The following PIEZO2 variants were observed in gnomAD, a reference collection of about 807,000 sequenced individuals.
PIEZO2 encodes the protein piezo type mechanosensitive ion channel component 2.
PIEZO2 carries 172 observed loss-of-function variants against 337.3 expected under a neutral mutation model. That is an observed-to-expected ratio of 0.51 (90% CI 0.45 to 0.58). The LOEUF (loss-of-function observed/expected upper bound fraction) is 0.58. Ranked by LOEUF, PIEZO2 falls within the 20% of genes least tolerant of loss-of-function variation. The pLI is 0.00. For missense variants in PIEZO2, 3,028 were observed against 3,391.3 expected (o/e 0.89, Z 2.66); for synonymous variants, 1,251 against 1,228.5 (o/e 1.02, Z -0.38).
chr18:11,061,644 C>A (rs1025309422), intron 2 of PIEZO2, among the ~76,000 whole-genome samples: 2 of 151,842 alleles, frequency 1.3e-5, no homozygotes, highest in African/African-American at 4.8e-5. Flanking sequence ...CATGAGTGAA[C>A]TCCCATTCAC....
intron 51 of PIEZO2, 115 bp from the exon 52 acceptor site, chr18:10,680,486 G>A: frequency 9.9e-7 from 1 of 1,012,444 alleles, no homozygotes; most frequent in Non-Finnish European, 1.4e-6. Context: ...CCTTTGAAGG[G>A]AATATTTTTA....
At chr18:10,694,789 C>T (rs1254819395) in intron 47 of PIEZO2, among the ~76,000 whole-genome samples, 1 of 152,146 alleles carries the variant, frequency 6.6e-6, no homozygotes, top group Non-Finnish European at 1.5e-5. Context: ...GAGCTATGAT[C>T]ATGCCACTGC....
chr18:11,109,597 A>G lies in PIEZO2; in HGVS notation c.64+38928T>C, dbSNP rs1157850191. ...GCCGGGCATGGTGGCATGCACCTGT[A>G]ATCCCAGCTACACCGGAGGCTGAGG... On this transcript the variant is annotated intron_variant, in intron 1 of 55. Transcript: ENST00000674853. The surrounding 1 kb of genome is among the most constrained non-coding windows in gnomAD (Gnocchi z 5.1). Among the ~76,000 whole-genome samples, 2 of 152,134 alleles carry G rather than the reference A, an allele frequency of 1.3e-5. No individual in the cohort carries two copies. Among genetic ancestry groups the G allele is most frequent in the Non-Finnish European group, 2.9e-5 (2 of 68,012 alleles).
Position 10,979,605 on chromosome 18 carries a change from C to T in PIEZO2, c.216G>A (p.Leu72=), listed in dbSNP as rs1365967223. 4 of 1,536,076 alleles carry T rather than the reference C, an allele frequency of 2.6e-6. No homozygotes were observed. The highest frequency in any genetic ancestry group is 3.5e-6 in the Non-Finnish European group (4 of 1,146,154). ...ACGTGATGTGGAAAATGATGTGCAG[C>T]AACAGGAAGGAAAGACTGATGAAGC... ...SLCFISLSFL[L]LHIIFHITLV... is the part of the protein sequence containing the mutation. Residue 72 remains leucine, a synonymous_variant, in exon 3 of 56, where the codon TTG becomes TTA. Transcript: ENST00000674853. This position sits in a 1 kb window ranked among gnomAD's most constrained non-coding sequence, Gnocchi z 4.0.
chr18:10,731,820 G>A (rs1257093142), intron 35 of PIEZO2, among the ~76,000 whole-genome samples: 1 of 152,118 alleles, frequency 6.6e-6, no homozygotes, highest in Non-Finnish European at 1.5e-5. Flanking sequence ...TATTACTGAT[G>A]CTTTTGCACT....
intron 49 of PIEZO2, among the ~76,000 whole-genome samples, chr18:10,683,135 A>T (rs1429598442): frequency 6.6e-6 from 1 of 152,214 alleles, no homozygotes; most frequent in East Asian, 1.9e-4. Flanking sequence ...CATGGGGTCA[A>T]CCCCACTCCC....
intron 3 of PIEZO2, among the ~76,000 whole-genome samples, chr18:10,963,732 C>T (rs1266339909): frequency 2.0e-5 from 3 of 152,186 alleles, no homozygotes; most frequent in East Asian, 1.9e-4. Flanking sequence ...GGTATTAAGA[C>T]ATACACATAG....
chr18:10,747,586 G>A (rs527450074), intron 30 of PIEZO2, among the ~76,000 whole-genome samples: 143 of 152,276 alleles, frequency 9.4e-4, no homozygotes, highest in African/African-American at 3.4e-3. Context: ...CGGAATGAGG[G>A]CTGGGTGTGC....
rs539405377 is a variant in PIEZO2, at chr18:10,937,036, C to T, written c.287-25808G>A. On this transcript the variant is annotated intron_variant, in intron 3 of 55. Transcript: ENST00000674853. ...GTCTACTCTGGTTCTTCCACAATGA[C>T]GACTCCTACAACAGACTATCCAGCT... Among the ~76,000 whole-genome samples, 4 of 152,242 alleles carry T rather than the reference C, an allele frequency of 2.6e-5. No homozygotes were observed. In the South Asian group the frequency reaches 6.2e-4, roughly 24 times the overall value.
At chr18:11,040,896 A>T (rs948500546) in intron 2 of PIEZO2, among the ~76,000 whole-genome samples, 1 of 152,194 alleles carries the variant, frequency 6.6e-6, no homozygotes, top group South Asian at 2.1e-4. Context: ...ATCAGTTAAA[A>T]TTATTTTAAT....
chr18:11,089,498 T>G (rs1032325669), intron 1 of PIEZO2, among the ~76,000 whole-genome samples: 2 of 152,132 alleles, frequency 1.3e-5, no homozygotes, highest in East Asian at 1.9e-4. Flanking sequence ...TTTTAAGAGA[T>G]AAGCTTGTAT....
intron 36 of PIEZO2, chr18:10,725,276 A>C: frequency 6.4e-7 from 1 of 1,568,090 alleles, no homozygotes; most frequent in Non-Finnish European, 8.8e-7. Context: ...ACCAAGTGCC[A>C]GATATGGTCC....
At position 11,104,669 on chromosome 18, in the gene PIEZO2, A is replaced by G. The variant is rs2039509832; in HGVS notation, c.65-38447T>C. Among the ~76,000 whole-genome samples the G allele has an allele frequency of 6.6e-6, 1 of 152,210 alleles. No individual in the cohort carries two copies. Among genetic ancestry groups the G allele is most frequent in the Non-Finnish European group, 1.5e-5 (1 of 68,030 alleles). ...GCAGCTTTCTCAGCCTACCTACAAC[A>G]AAGAGGTCTGTGGCCCGGCTGAGCC... On this transcript the variant is annotated intron_variant, in intron 1 of 55. Coordinates refer to ENST00000674853, the MANE Select transcript of PIEZO2 (RefSeq NM_001378183.1). The surrounding 1 kb of genome is among the most constrained non-coding windows in gnomAD (Gnocchi z 4.6).
At position 10,773,013 on chromosome 18, in the gene PIEZO2, A is replaced by G. The variant is rs2038657008; in HGVS notation, c.2785+399T>C. Among the ~76,000 whole-genome samples the G allele has an allele frequency of 1.3e-5, 2 of 152,234 alleles. No homozygotes were observed. On this transcript the variant is annotated intron_variant, in intron 20 of 55. Transcript: ENST00000674853. This position sits in a 1 kb window ranked among gnomAD's most constrained non-coding sequence, Gnocchi z 5.3. ...ATTCTTAATTATTGGCTTCCTGGAA[A>G]AGTCTCAGAATGGTTTCTTGAGAAT... is the stretch of plus-strand genomic sequence containing the variant.
chr18:10,950,068 A>T (rs2033220876), intron 3 of PIEZO2, among the ~76,000 whole-genome samples: 1 of 152,230 alleles, frequency 6.6e-6, no homozygotes, highest in Admixed American at 6.5e-5. Context: ...CCAGGTGTTG[A>T]ACTCGATTTA....
chr18:10,814,234 G>A (rs2040292749), intron 7 of PIEZO2, among the ~76,000 whole-genome samples: 2 of 152,158 alleles, frequency 1.3e-5, no homozygotes, highest in South Asian at 4.2e-4. Flanking sequence ...CTCCCAAAGT[G>A]CTAGGATTAC....
intron 3 of PIEZO2, among the ~76,000 whole-genome samples, chr18:10,921,814 G>A (rs184435092): frequency 1.7e-4 from 26 of 152,272 alleles, no homozygotes; most frequent in African/African-American, 6.0e-4. Context: ...ACTCGCCTGA[G>A]GGTGGGTCTC....
chr18:10,955,376 T>C lies in PIEZO2; in HGVS notation c.286+24159A>G, dbSNP rs139964989. On this transcript the variant is annotated intron_variant, in intron 3 of 55. Transcript: ENST00000674853. ...CTGGGAGGCCTGTAGTCCTTGAATC[T>C]GGTCTAGATGTTTTCTTTCTTGGTT... Among the ~76,000 whole-genome samples the C allele has an allele frequency of 2.3e-4, 35 of 152,336 alleles. No individual in the cohort carries two copies. In the East Asian group the frequency reaches 6.6e-3, roughly 29 times the overall value.
At chr18:11,054,318 T>C (rs2037639847) in intron 2 of PIEZO2, among the ~76,000 whole-genome samples, 1 of 152,224 alleles carries the variant, frequency 6.6e-6, no homozygotes, top group Non-Finnish European at 1.5e-5. Flanking sequence ...CCAAATCCCA[T>C]GGCTTATGAT....
Sources: gnomAD v4.1 joint callset for allele counts (sites outside exome capture counted in the v4.1 genomes callset) on GRCh38, gnomAD v4.1.1 for gene constraint, Gnocchi (gnomAD v3.1) non-coding constraint, MANE v1.5 for transcripts, NCBI Gene and HGNC (gene_info 2026-07-23, HGNC 2026-07-21) for gene names.